The following INPP4B variants were observed in gnomAD, a reference collection of about 807,000 sequenced individuals.
INPP4B encodes inositol polyphosphate-4-phosphatase type II B, also known as inositol polyphosphate 4-phosphatase type II.
INPP4B carries 55 observed loss-of-function variants against 122.5 expected under a neutral mutation model. The observed-to-expected ratio is 0.45, with a 90% CI of 0.36 to 0.56. The LOEUF is 0.56. Ranked by LOEUF, INPP4B falls within the 20% of genes least tolerant of loss-of-function variation. INPP4B has a pLI of 0.00. For synonymous variants in INPP4B, 403 were observed against 388.7 expected, an observed-to-expected ratio of 1.04 and a Z score of -0.43; for missense variants, 1,000 against 1,097.7, an observed-to-expected ratio of 0.91 and a Z score of 1.26.
intron 2 of INPP4B, among the ~76,000 whole-genome samples, chr4:142,717,168 T>C (rs765879251): frequency 6.6e-6 from 1 of 152,174 alleles, no homozygotes; most frequent in Non-Finnish European, 1.5e-5. Context: ...CAGGTAGACC[T>C]TGAAATACAT....
chr4:142,442,328 C>T (rs1316523593), intron 3 of INPP4B, among the ~76,000 whole-genome samples: 1 of 141,392 alleles, frequency 7.1e-6, no homozygotes, highest in Admixed American at 7.9e-5. Context: ...AGGAGAATTG[C>T]TTGAACCCGG....
intron 2 of INPP4B, among the ~76,000 whole-genome samples, chr4:142,469,974 TA>T (rs1273210149): frequency 6.6e-6 from 1 of 152,106 alleles, no homozygotes; most frequent in Non-Finnish European, 1.5e-5. Flanking sequence ...TAAAATAAAT[TA>T]TGTTCCATTA....
intron 12 of INPP4B, among the ~76,000 whole-genome samples, chr4:142,214,557 CT>C (rs1398144413): frequency 6.6e-6 from 1 of 152,088 alleles, no homozygotes; most frequent in African/African-American, 2.4e-5. Context: ...CACGTCAATT[CT>C]TTTTTCTTTT....
intron 7 of INPP4B, among the ~76,000 whole-genome samples, chr4:142,336,686 C>T: frequency 6.6e-6 from 1 of 152,236 alleles, no homozygotes; most frequent in South Asian, 2.1e-4. Flanking sequence ...AAGGCGGAAG[C>T]CAATTGTAGC....
intron 2 of INPP4B, among the ~76,000 whole-genome samples, chr4:142,557,481 A>C (rs1185350295): frequency 1.3e-5 from 2 of 151,776 alleles, no homozygotes; most frequent in African/African-American, 4.8e-5. Flanking sequence ...CACAAAGAAG[A>C]AACTGAGGCC....
At chr4:142,550,913 C>A (rs1463795222) in intron 2 of INPP4B, among the ~76,000 whole-genome samples, 2 of 152,076 alleles carry the variant, frequency 1.3e-5, no homozygotes, top group Non-Finnish European at 2.9e-5. Context: ...ATACTACTTA[C>A]CTTGCTGATG....
chr4:142,589,089 G>T lies in INPP4B; in HGVS notation c.-190-126363C>A, dbSNP rs73850512. On this transcript the variant is annotated intron_variant, in intron 2 of 25. Transcript: ENST00000262992. ...TTTTTCCAAAGAAACAGACAATTCA[G>T]TAGGGAAAAGATAGTCTTTTCAACA... Among the ~76,000 whole-genome samples the T allele has an allele frequency of 4.1e-3, 629 of 152,060 alleles. 6 individuals are homozygous for T. Among genetic ancestry groups the T allele is most frequent in the African/African-American group, 0.015 (604 of 41,532 alleles).
At chr4:142,208,606 GA>G in intron 13 of INPP4B, 77 bp from the exon 14 acceptor site, 1 of 753,006 alleles carries the variant, frequency 1.3e-6, no homozygotes. Context: ...AAATTTGACA[GA>G]AAAATGTTAA....
intron 9 of INPP4B, among the ~76,000 whole-genome samples, chr4:142,293,199 C>T (rs1049491100): frequency 6.6e-6 from 1 of 151,860 alleles, no homozygotes; most frequent in Non-Finnish European, 1.5e-5. Flanking sequence ...CCACCACGCC[C>T]GGCTGATTTT....
chr4:142,278,600 C>T (rs2150734942), intron 9 of INPP4B, among the ~76,000 whole-genome samples: 1 of 151,966 alleles, frequency 6.6e-6, no homozygotes, highest in South Asian at 2.1e-4. Context: ...GTGGCGAATT[C>T]CCCTTACCTT....
At chr4:142,250,013 T>G (rs557634969) in intron 11 of INPP4B, among the ~76,000 whole-genome samples, 1 of 152,228 alleles carries the variant, frequency 6.6e-6, no homozygotes, top group Non-Finnish European at 1.5e-5. Flanking sequence ...AACAACTTAA[T>G]TTTATGAGTT....
At chr4:142,769,322 G>A (rs1224431145) in intron 1 of INPP4B, among the ~76,000 whole-genome samples, 1 of 152,154 alleles carries the variant, frequency 6.6e-6, no homozygotes, top group Non-Finnish European at 1.5e-5. Flanking sequence ...AGGGAGGTGA[G>A]AAAGGCACAG....
Position 142,402,950 on chromosome 4 carries a change from C to T in INPP4B, c.360G>A (p.Lys120=), listed in dbSNP as rs775844500. ...IKLTVYDVKD[K]SHDTVRTSVL... Reference sequence around the variant, plus strand: ...TACCAGTACTTACGGTGTCATGAGACTTATCCTTGACATCATAGACTGTTA... The same window carrying T: ...TACCAGTACTTACGGTGTCATGAGATTTATCCTTGACATCATAGACTGTTA... Residue 120 remains lysine, a synonymous_variant, in exon 7 of 26, where the codon AAG becomes AAA. Coordinates refer to ENST00000262992, the MANE Select transcript of INPP4B (RefSeq NM_001101669.3). The T allele has an allele frequency of 1.3e-6, 2 of 1,519,634 alleles. No homozygotes were observed. The highest frequency in any genetic ancestry group is 2.7e-5 in the African/African-American group (2 of 73,404). The allele number at this position is 1,519,634 out of a possible 1,614,324, so 94.1% of individuals were successfully genotyped here. A position where few individuals can be genotyped will look rare whatever the true frequency, so the allele number is the denominator to read the frequency against.
intron 2 of INPP4B, among the ~76,000 whole-genome samples, chr4:142,663,364 T>G (rs1481913365): frequency 6.6e-6 from 1 of 152,184 alleles, no homozygotes; most frequent in East Asian, 1.9e-4. Context: ...TGAAGGATAA[T>G]AAATTAATTT....
At chr4:142,494,996 T>A (rs1822353441) in intron 2 of INPP4B, among the ~76,000 whole-genome samples, 1 of 152,172 alleles carries the variant, frequency 6.6e-6, no homozygotes, top group Non-Finnish European at 1.5e-5. Flanking sequence ...TTTGTCCAGT[T>A]TTGTAGTTTT....
chr4:142,195,810 AAACAT>A (rs1275619534), intron 14 of INPP4B, among the ~76,000 whole-genome samples: 1 of 152,224 alleles, frequency 6.6e-6, no homozygotes, highest in Non-Finnish European at 1.5e-5. Flanking sequence ...AAATTTGCAA[AAACAT>A]TTGACCACAA....
chr4:142,612,213 C>G (rs1742691168), intron 2 of INPP4B, among the ~76,000 whole-genome samples: 1 of 152,112 alleles, frequency 6.6e-6, no homozygotes, highest in African/African-American at 2.4e-5. Flanking sequence ...GCTCACTCTC[C>G]CTGCTGCTTC....
At position 142,796,868 on chromosome 4, in the gene INPP4B, ATGTGTGTG is replaced by A. The variant is rs34860975; in HGVS notation, c.-254+49333_-254+49340del. Reference sequence around the variant, plus strand: ...TCACAGAAACTGATGCGGAAAACAGATGTGTGTGTGTGTGTGTGTGTGTGTGTGTGTGT... The same window carrying A: ...TCACAGAAACTGATGCGGAAAACAGATGTGTGTGTGTGTGTGTGTGTGTGT... On this transcript the variant is annotated intron_variant, in intron 1 of 25. Transcript: ENST00000262992. Among the ~76,000 whole-genome samples the A allele has an allele frequency of 3.8e-3, 405 of 105,370 alleles. 2 individuals are homozygous for A. Among genetic ancestry groups the A allele is most frequent in the East Asian group, 0.026 (114 of 4,404 alleles). 69.1% of individuals were successfully genotyped at this position (105,370 alleles called of 152,430 possible).
chr4:142,092,520 A>G (rs1780054349), intron 23 of INPP4B, among the ~76,000 whole-genome samples: 1 of 151,970 alleles, frequency 6.6e-6, no homozygotes, highest in African/African-American at 2.4e-5. Flanking sequence ...CAAACTCCTG[A>G]CCTCAGGTGA....
Sources: allele counts gnomAD v4.1 joint callset (sites outside exome capture counted in the v4.1 genomes callset), GRCh38; gene constraint gnomAD v4.1.1; transcripts MANE v1.5; gene names NCBI Gene and HGNC (gene_info 2026-07-23, HGNC 2026-07-21).